The following KRT7 variants were observed in gnomAD, a reference collection of about 807,000 sequenced individuals.
KRT7 encodes keratin, type II cytoskeletal 7.
Under a neutral mutation model 42.8 loss-of-function variants are expected in KRT7, and 50 were observed. That is an observed-to-expected ratio of 1.17 (90% confidence interval 0.93 to 1.48). The LOEUF is 1.48. KRT7 is among the 40% of genes most tolerant of loss of function. The pLI is 0.00. For synonymous variants in KRT7, 268 were observed against 266.3 expected, an observed-to-expected ratio of 1.01 and a Z score of -0.06; for missense variants, 588 against 637.6, an observed-to-expected ratio of 0.92 and a Z score of 0.84.
At chr12:52,236,197 G>GCCC (rs5798204) in intron 2 of KRT7, among the ~76,000 whole-genome samples, 30 of 145,708 alleles carry the variant, frequency 2.1e-4, no homozygotes, top group African/African-American at 7.2e-4. Context: ...TCTGTGGAGT[G>GCCC]CCCCCCCCCA....
Position 52,248,660 on chromosome 12 carries a change from G to A in KRT7, c.1310G>A (p.Gly437Asp). ...GGGCTGACCCTCGGGGGAACCATGG[G>A]CAGCAATGCCCTGAGCTTCTCCAGC... The part of the protein sequence containing the change: ...GIGLTLGGTM[G>D]SNALSFSSSA... Residue 437 changes from glycine to aspartate, a missense_variant, in exon 9 of 9, where the codon GGC becomes GAC. Physicochemically the swap from Gly to Asp is moderately conservative, Grantham distance 94. Coordinates refer to ENST00000331817, the MANE Select transcript of KRT7 (RefSeq NM_005556.4). 1 of 1,613,088 alleles carries A rather than the reference G, an allele frequency of 6.2e-7. No individual in the cohort carries two copies. Among genetic ancestry groups the A allele is most frequent in the Non-Finnish European group, 8.5e-7 (1 of 1,179,464 alleles).
At chr12:52,250,504 G>T, downstream of KRT7, 1 of 733,912 alleles carries the variant, frequency 1.4e-6, no homozygotes, top group Non-Finnish European at 2.3e-6. Context: ...CCGCTGCTCT[G>T]GCCGCAGGGC....
At chr12:52,235,052 G>T in intron 1 of KRT7, 103 bp from the exon 2 acceptor site, 1 of 1,078,304 alleles carries the variant, frequency 9.3e-7, no homozygotes, top group Non-Finnish European at 1.4e-6. Flanking sequence ...AACAGCCAGG[G>T]GGAGCATGGC....
rs73109221 is a variant in KRT7, at chr12:52,248,733, C to T, written c.1383C>T (p.Ser461=). Residue 461 remains serine, a synonymous_variant, in exon 9 of 9, where the codon TCC becomes TCT. Coordinates refer to ENST00000331817, the MANE Select transcript of KRT7 (RefSeq NM_005556.4). The part of the protein sequence containing the change: ...LLKAYSIRTA[S]ASRRSARD ...AGGCTTATTCCATCCGGACCGCATCCGCCAGTCGCAGGAGTGCCCGCGACT... is the reference window on the plus strand; with the variant it reads ...AGGCTTATTCCATCCGGACCGCATCTGCCAGTCGCAGGAGTGCCCGCGACT... 0.024 allele frequency: 38,504 copies of T among 1,594,022 alleles called. 546 individuals are homozygous for T. Among genetic ancestry groups the T allele is most frequent in the Non-Finnish European group, 0.028 (33,245 of 1,170,824 alleles).
intron 4 of KRT7, among the ~76,000 whole-genome samples, chr12:52,239,995 C>A (rs1344091532): frequency 6.6e-6 from 1 of 152,216 alleles, no homozygotes; most frequent in Non-Finnish European, 1.5e-5. Flanking sequence ...ACCAGTTCTT[C>A]AGCCTAGTCT....
chr12:52,235,095 T>G, intron 1 of KRT7, 60 bp from the exon 2 acceptor site: 1 of 1,522,648 alleles, frequency 6.6e-7, no homozygotes, highest in Non-Finnish European at 9.1e-7. Flanking sequence ...TGTTCCTCAA[T>G]CCCGCTGTGG....
At chr12:52,240,674 G>A (rs1942075363) in intron 4 of KRT7, among the ~76,000 whole-genome samples, 1 of 151,946 alleles carries the variant, frequency 6.6e-6, no homozygotes, top group South Asian at 2.1e-4. Flanking sequence ...TATACCCAAT[G>A]CTACCATCTT....
At chr12:52,240,245 C>CTG (rs1454850991) in intron 4 of KRT7, among the ~76,000 whole-genome samples, 2 of 152,080 alleles carry the variant, frequency 1.3e-5, no homozygotes, top group African/African-American at 2.4e-5. Context: ...GTAAACACAC[C>CTG]TGTGTGTATA....
chr12:52,253,567 C>A, downstream of KRT7: 1 of 1,600,658 alleles, frequency 6.2e-7, no homozygotes, highest in Non-Finnish European at 8.5e-7. Flanking sequence ...CTCCAACTGC[C>A]ATGTCTAGCA....
intron 7 of KRT7, 112 bp downstream of exon 7, chr12:52,245,744 G>A (rs1942159434): frequency 7.4e-7 from 1 of 1,356,224 alleles, no homozygotes. Flanking sequence ...GCAGGGCACT[G>A]GGTGTGGGGA....
rs999665 is a variant in KRT7 at position 52,241,576 on chromosome 12, G to A, written c.798G>A (p.Ala266=). 849,315 of 1,612,688 alleles carry A rather than the reference G, an allele frequency of 0.53. 226,884 individuals carry two copies. Among genetic ancestry groups the A allele is most frequent in the Non-Finnish European group, 0.55 (647,457 of 1,179,172 alleles). The change falls in exon 5 of 9, where the codon GCG becomes GCA. Residue 266 remains alanine (A), a synonymous_variant. Transcript: ENST00000331817. ...DLDGIIAEVK[A]QYEEMAKCSR... ...ACGGCATCATCGCTGAGGTCAAGGC[G>A]CAGTATGAGGAGATGGCCAAATGCA...
rs745992929 is a variant in KRT7, at chr12:52,233,267, C to G, written c.-30C>G. 6.7e-7 allele frequency: 1 copy of G among 1,484,930 alleles called. No individual in the cohort carries two copies. The highest frequency in any genetic ancestry group is 2.6e-5 in the Admixed American group (1 of 39,010). The allele number at this position is 1,484,930 out of a possible 1,614,324, so 92.0% of individuals were successfully genotyped here. ...CAGCGAGTGCGCGCTCCTCCTCGCC[C>G]GCCGCTAGGTCCATCCCGGCCCAGC... On this transcript the variant is annotated 5_prime_UTR_variant, in exon 1 of 9. Transcript: ENST00000331817.
chr12:52,238,042 C>G (rs940430632), intron 3 of KRT7, among the ~76,000 whole-genome samples: 1 of 152,186 alleles, frequency 6.6e-6, no homozygotes, highest in African/African-American at 2.4e-5. Context: ...AGATTCTCTT[C>G]AATACACTGA....
At chr12:52,254,153 C>G (rs1942307191), downstream of KRT7, 1 of 466,688 alleles carries the variant, frequency 2.1e-6, no homozygotes, top group Admixed American at 2.6e-5. Flanking sequence ...CATGGTGAAC[C>G]TGCCTGGGGT....
Position 52,235,136 on chromosome 12 carries a change from T to G in KRT7, c.325-19T>G. 2.5e-6 allele frequency: 4 copies of G among 1,613,008 alleles called. No individual in the cohort carries two copies. The highest frequency in any genetic ancestry group is 3.4e-6 in the Non-Finnish European group (4 of 1,179,316). ...ACGCTCTGGCTCCTCTTGAGTTTCC[T>G]CCTTCTCGCCCGTTCTAGGTGCGGT... On this transcript the variant is annotated intron_variant, in intron 1 of 8. Coordinates refer to ENST00000331817, the MANE Select transcript of KRT7 (RefSeq NM_005556.4).
At chr12:52,235,402 C>T (rs1188110286) in intron 2 of KRT7, 36 bp downstream of exon 2, 3 of 1,553,940 alleles carry the variant, frequency 1.9e-6, no homozygotes, top group African/African-American at 2.7e-5. Flanking sequence ...AGACCCCTGC[C>T]CCGGGCCAAT....
chr12:52,233,562 A>C lies in KRT7; in HGVS notation c.266A>C (p.Gln89Pro). 1 of 1,613,130 alleles carries C rather than the reference A, an allele frequency of 6.2e-7. No homozygotes were observed. The change falls in exon 1 of 9, where the codon CAG becomes CCG. Residue 89 changes from glutamine to proline, a missense_variant. Gln to Pro is a moderately conservative substitution (Grantham distance 76, BLOSUM62 -1). Coordinates refer to ENST00000331817, the MANE Select transcript of KRT7 (RefSeq NM_005556.4). ...DADPSLQRVRQEESEQIKTLN... is the reference protein window; with the variant it reads ...DADPSLQRVRPEESEQIKTLN... ...GACCCCTCCCTCCAGCGGGTGCGCC[A>C]GGAGGAGAGCGAGCAGATCAAGACC...
At position 52,243,021 on chromosome 12, in the gene KRT7, C is replaced by T; in HGVS notation, c.868C>T (p.Leu290Phe). The T allele has an allele frequency of 6.2e-7, 1 of 1,613,340 alleles. No homozygotes were observed. Among genetic ancestry groups the T allele is most frequent in the Non-Finnish European group, 8.5e-7 (1 of 1,179,568 alleles). Residue 290 changes from leucine (L) to phenylalanine (F), a missense_variant, in exon 6 of 9, where the codon CTC (leucine) becomes TTC (phenylalanine). Leu to Phe is a conservative substitution (Grantham distance 22). Coordinates refer to ENST00000331817, the MANE Select transcript of KRT7 (RefSeq NM_005556.4). ...TGTATGGCCCCTCCAGTTTGAGACC[C>T]TCCAGGCCCAGGCTGGGAAGCATGG... ...EAWYQTKFET[L>F]QAQAGKHGDD...
At chr12:52,233,703 G>T in intron 1 of KRT7, 83 bp downstream of exon 1, 1 of 1,404,010 alleles carries the variant, frequency 7.1e-7, no homozygotes, top group Non-Finnish European at 1.0e-6. Context: ...CTGCGCGCGG[G>T]CCAGGCGCTG....
Sources: gnomAD v4.1 joint callset for allele counts (sites outside exome capture counted in the v4.1 genomes callset) on GRCh38, gnomAD v4.1.1 for gene constraint, MANE v1.5 for transcripts, NCBI Gene and HGNC (gene_info 2026-07-23, HGNC 2026-07-21) for gene names.